Variants in PCNX4 observed in about 807,000 individuals in gnomAD.
PCNX4 encodes the protein pecanex-like protein 4.
PCNX4 carries 103 observed loss-of-function variants against 107.2 expected under a neutral mutation model. That is an observed-to-expected ratio of 0.96 (90% CI 0.82 to 1.13). The LOEUF is 1.13. PCNX4 is among the 50% of genes most tolerant of loss of function. PCNX4 has a pLI of 0.00. For missense variants in PCNX4, 1,528 were observed against 1,379.4 expected, an observed-to-expected ratio of 1.11 and a Z score of -1.71; for synonymous variants, 541 against 481.7, an observed-to-expected ratio of 1.12 and a Z score of -1.61.
At chr14:60,108,752 C>G (rs186709495) in intron 2 of PCNX4, 1 of 38,056 alleles carries the variant, frequency 2.6e-5, no homozygotes, top group African/African-American at 5.3e-5. Flanking sequence ...TTTATGATAG[C>G]AACAATAGTA....
At chr14:60,126,360 A>G (rs536548242) in intron 10 of PCNX4, among the ~76,000 whole-genome samples, 1 of 152,234 alleles carries the variant, frequency 6.6e-6, no homozygotes, top group South Asian at 2.1e-4. Context: ...TTATGAGCTT[A>G]TCATGGTTTT....
chr14:60,125,013 TATC>T lies in PCNX4; in HGVS notation c.2845_2847del (p.His949del). On this transcript the variant is annotated inframe_deletion, in exon 9 of 11. Coordinates refer to ENST00000406854, the MANE Select transcript of PCNX4 (RefSeq NM_001330177.2). ...ATTTGTTCTAAGGCAGTTGGAATGT[TATC>T]ATTCAGAAGAGAAGGCCTCAAATGT... 6.2e-7 allele frequency: 1 copy of T among 1,613,810 alleles called. No homozygotes were observed. Among genetic ancestry groups the T allele is most frequent in the South Asian group, 1.1e-5 (1 of 91,074 alleles).
chr14:60,119,485 A>G (rs888679226), intron 7 of PCNX4, among the ~76,000 whole-genome samples: 29 of 152,356 alleles, frequency 1.9e-4, no homozygotes, highest in African/African-American at 4.6e-4. Flanking sequence ...TAGAATTTTA[A>G]TAAAATGCTT....
At chr14:60,120,419 G>A (rs567347625) in intron 7 of PCNX4, among the ~76,000 whole-genome samples, 9 of 150,632 alleles carry the variant, frequency 6.0e-5, no homozygotes, top group African/African-American at 2.0e-4. Context: ...GACACAATAC[G>A]AGAGTCTTAT....
intron 1 of PCNX4, among the ~76,000 whole-genome samples, chr14:60,100,149 A>G (rs1385836937): frequency 6.6e-6 from 1 of 152,198 alleles, no homozygotes; most frequent in African/African-American, 2.4e-5. Context: ...TCATATATGA[A>G]AAGTTCTTCC....
rs143179326 is a variant in PCNX4, at chr14:60,125,550, C to CT, written c.3081-85dup. The CT allele has an allele frequency of 1.6e-3, 1,590 of 1,002,080 alleles. 13 individuals are homozygous for CT. In the African/African-American group the frequency reaches 0.024, roughly 15 times the overall value. 62.1% of individuals were successfully genotyped at this position (1,002,080 alleles called of 1,614,324 possible). Reference sequence around the variant, plus strand: ...AATAGATATGATTTCAGTTCAATGTCTTAAAATATTGGTTTAACAAAATCT... The same window carrying CT: ...AATAGATATGATTTCAGTTCAATGTCTTTAAAATATTGGTTTAACAAAATCT... On this transcript the variant is annotated intron_variant, in intron 9 of 10. Transcript: ENST00000406854.
chr14:60,103,254 G>A (rs1463596617), intron 1 of PCNX4, among the ~76,000 whole-genome samples: 2 of 152,080 alleles, frequency 1.3e-5, no homozygotes, highest in Non-Finnish European at 2.9e-5. Context: ...TAAAACATTA[G>A]TTACATGATC....
rs112492557 is a variant in PCNX4, at chr14:60,144,803, T to C, written c.*10582T>C. ...TTTTTTGCAAGATTCATGGCAATCT[T>C]TTATTATTTATTTTTTATTTCATTC... On this transcript the variant is annotated 3_prime_UTR_variant, in exon 11 of 11. Transcript: ENST00000406854. 3.2e-4 allele frequency: 205 copies of C among 646,738 alleles called. 4 individuals are homozygous for C. The Middle Eastern group carries it at 4.5e-3, about 14-fold the overall frequency. The allele number at this position is 646,738 out of a possible 1,614,324, so 40.1% of individuals were successfully genotyped here. A position where few individuals can be genotyped will look rare whatever the true frequency, so the allele number is the denominator to read the frequency against.
rs770651679 is a variant in PCNX4 at position 60,118,515 on chromosome 14, C to T, written c.1765C>T (p.Pro589Ser). 1.9e-6 allele frequency: 3 copies of T among 1,613,796 alleles called. No individual in the cohort carries two copies. Among genetic ancestry groups the T allele is most frequent in the Non-Finnish European group, 2.5e-6 (3 of 1,179,842 alleles). Reference protein sequence around the residue: ...IIVFSTLLSSPLLPLFTLPVF... With the variant: ...IIVFSTLLSSSLLPLFTLPVF... ...AGTTTTTTCTACACTACTCTCTTCT[C>T]CCTTACTCCCTCTTTTCACCCTTCC... The change falls in exon 7 of 11, where the codon CCC becomes TCC. Residue 589 changes from proline to serine, a missense_variant. Coordinates refer to ENST00000406854, the MANE Select transcript of PCNX4 (RefSeq NM_001330177.2).
chr14:60,113,709 T>C (rs1436110152), intron 2 of PCNX4, among the ~76,000 whole-genome samples: 3 of 152,306 alleles, frequency 2.0e-5, no homozygotes, highest in East Asian at 3.9e-4. Context: ...TCCCGTAGTT[T>C]GGGTATTCAA....
rs766071817 is a variant in PCNX4 at position 60,125,092 on chromosome 14, C to T, written c.2921C>T (p.Thr974Ile). Residue 974 changes from threonine to isoleucine, a missense_variant, in exon 9 of 11, where the codon ACA becomes ATA. Thr to Ile is a moderately conservative substitution (Grantham distance 89). Coordinates refer to ENST00000406854, the MANE Select transcript of PCNX4 (RefSeq NM_001330177.2). ...GTTTTAAAAGACTTTTATGTTCATA[C>T]AGTAATGACTTGTTATTTTAGTTTA... ...DKVLKDFYVH[T>I]VMTCYFSLFG... is the part of the protein sequence containing the mutation. The T allele has an allele frequency of 2.0e-5, 32 of 1,613,162 alleles. No individual in the cohort carries two copies. The highest frequency in any genetic ancestry group is 6.7e-5 in the Admixed American group (4 of 59,852).
chr14:60,118,825 G>C, intron 7 of PCNX4, 133 bp downstream of exon 7: 1 of 971,530 alleles, frequency 1.0e-6, no homozygotes, highest in South Asian at 4.3e-5. Flanking sequence ...TGTGTAGGCA[G>C]AAAGACTAAA....
Position 60,125,806 on chromosome 14 carries a change from G to T in PCNX4, c.3250G>T (p.Gly1084Trp), listed in dbSNP as rs1391941861. Residue 1084 changes from glycine to tryptophan, a missense_variant, in exon 10 of 11, where the codon GGG becomes TGG. Transcript: ENST00000406854. Reference sequence around the variant, plus strand: ...AGAAAAGCCATACTTGTTTTCTCTGGGGTATGATTCTAATATGGTAAGGTT... The same window carrying T: ...AGAAAAGCCATACTTGTTTTCTCTGTGGTATGATTCTAATATGGTAAGGTT... ...LQEKPYLFSL[G>W]YDSNMGIYTG... 1 of 1,606,394 alleles carries T rather than the reference G, an allele frequency of 6.2e-7. No individual in the cohort carries two copies. The highest frequency in any genetic ancestry group is 8.5e-7 in the Non-Finnish European group (1 of 1,176,908).
rs1370206896 is a variant in PCNX4 at position 60,144,618 on chromosome 14, G to A, written c.*10397G>A. On this transcript the variant is annotated 3_prime_UTR_variant, in exon 11 of 11. Coordinates refer to ENST00000406854, the MANE Select transcript of PCNX4 (RefSeq NM_001330177.2). ...TGGAATTCCCAGCCTCAAGAGCCAG[G>A]AAAAACAGATTTCTGTTGTTTATAA... 4.6e-6 allele frequency: 1 copy of A among 216,104 alleles called. No homozygotes were observed. Among genetic ancestry groups the A allele is most frequent in the Middle Eastern group, 2.0e-3 (1 of 506 alleles). The allele number at this position is 216,104 out of a possible 1,614,324, so 13.4% of individuals were successfully genotyped here. A position where few individuals can be genotyped will look rare whatever the true frequency, so the allele number is the denominator to read the frequency against.
intron 2 of PCNX4, 135 bp from the exon 3 acceptor site, chr14:60,114,565 A>G (rs959615886): frequency 1.0e-5 from 7 of 680,472 alleles, no homozygotes; most frequent in African/African-American, 7.3e-5. Flanking sequence ...GTTGGGACTA[A>G]GACTTTTCTG....
Position 60,141,316 on chromosome 14 carries a change from G to A in PCNX4, c.*7095G>A, listed in dbSNP as rs2140577661. On this transcript the variant is annotated 3_prime_UTR_variant, in exon 11 of 11. Coordinates refer to ENST00000406854, the MANE Select transcript of PCNX4 (RefSeq NM_001330177.2). ...ACCAAAAGCAGAAATCAATGAAACT[G>A]CAAATAGAAAAATACATAAACAAAA... 1 of 152,108 alleles carries A rather than the reference G, an allele frequency of 6.6e-6. No individual in the cohort carries two copies. Among genetic ancestry groups the A allele is most frequent in the East Asian group, 1.9e-4 (1 of 5,170 alleles). The allele number at this position is 152,108 out of a possible 1,614,324, so 9.4% of individuals were successfully genotyped here. A position where few individuals can be genotyped will look rare whatever the true frequency, so the allele number is the denominator to read the frequency against.
chr14:60,114,217 T>C (rs1414178077), intron 2 of PCNX4, among the ~76,000 whole-genome samples: 5 of 152,216 alleles, frequency 3.3e-5, no homozygotes, highest in Non-Finnish European at 7.4e-5. Context: ...TAGCTGCTAA[T>C]GTATGAATGT....
rs1362994521 is a variant in PCNX4 at position 60,132,168 on chromosome 14, T to G, written c.3268-1802T>G. 3.3e-5 allele frequency among the ~76,000 whole-genome samples: 5 copies of G among 152,328 alleles called. No individual in the cohort carries two copies. In the East Asian group the frequency reaches 9.6e-4, roughly 29 times the overall value. On this transcript the variant is annotated intron_variant, in intron 10 of 10. Coordinates refer to ENST00000406854, the MANE Select transcript of PCNX4 (RefSeq NM_001330177.2). The stretch of plus-strand genomic sequence containing the variant: ...ATCTCTCCTGGCCTCTTCCAACTTC[T>G]GGTGGCCCTTAACATTCTTTGGCTA...
intron 10 of PCNX4, among the ~76,000 whole-genome samples, chr14:60,132,253 A>T (rs539707580): frequency 3.3e-5 from 5 of 152,160 alleles, no homozygotes; most frequent in African/African-American, 9.6e-5. Flanking sequence ...CTATACTCTC[A>T]TGTGTCAATT....
Sources: gnomAD v4.1 joint callset for allele counts (sites outside exome capture counted in the v4.1 genomes callset) on GRCh38, gnomAD v4.1.1 for gene constraint, MANE v1.5 for transcripts, NCBI Gene and HGNC (gene_info 2026-07-23, HGNC 2026-07-21) for gene names.